CCDC91: variants seen among roughly 807,000 people sequenced by gnomAD.
The protein encoded by CCDC91 is coiled-coil domain-containing protein 91.
Under a neutral mutation model 63.2 loss-of-function variants are expected in CCDC91, and 48 were observed. That is an observed-to-expected ratio of 0.76 (90% CI 0.60 to 0.97). CCDC91 has a LOEUF of 0.97. CCDC91 is among the 50% of genes least tolerant of loss of function. CCDC91 has a pLI of 0.00. For synonymous variants in CCDC91, 167 were observed against 165.8 expected, an observed-to-expected ratio of 1.01 and a Z score of -0.06; for missense variants, 500 against 494.6, an observed-to-expected ratio of 1.01 and a Z score of -0.10.
intron 8 of CCDC91, among the ~76,000 whole-genome samples, chr12:28,435,201 T>A (rs1948840937): frequency 6.6e-6 from 1 of 151,746 alleles, no homozygotes; most frequent in Non-Finnish European, 1.5e-5. Context: ...CCTCTTTTTC[T>A]CCTAAAATGA....
chr12:28,230,862 T>A (rs148557699), intron 1 of CCDC91, among the ~76,000 whole-genome samples: 1 of 152,282 alleles, frequency 6.6e-6, no homozygotes, highest in East Asian at 1.9e-4. Context: ...TGGACTCAAG[T>A]GATCTGCCTG....
chr12:28,212,649 C>T (rs1157788677), intron 1 of CCDC91, among the ~76,000 whole-genome samples: 3 of 152,172 alleles, frequency 2.0e-5, no homozygotes, highest in Non-Finnish European at 4.4e-5. Context: ...AGTTTTCTAT[C>T]ATCTTGGGAA....
At chr12:28,306,540 G>A (rs958318439) in intron 4 of CCDC91, among the ~76,000 whole-genome samples, 1 of 152,012 alleles carries the variant, frequency 6.6e-6, no homozygotes, top group African/African-American at 2.4e-5. Context: ...AAATTAAGAG[G>A]AAATTTTGTT....
intron 6 of CCDC91, among the ~76,000 whole-genome samples, chr12:28,335,997 C>T (rs779028263): frequency 6.6e-6 from 1 of 150,966 alleles, no homozygotes; most frequent in Non-Finnish European, 1.5e-5. Flanking sequence ...AGATATTTGC[C>T]ATAGATTTTA....
Position 28,404,658 on chromosome 12 carries a change from T to C in CCDC91, c.762+13247T>C, listed in dbSNP as rs1229965377. ...TGCAGTTTTGTAAGTGTTTGCCTCA[T>C]GCATTTTGCTGCTCTGTTATTAGGG... On this transcript the variant is annotated intron_variant, in intron 8 of 12. Transcript: ENST00000536442. Among the ~76,000 whole-genome samples, 11 of 152,144 alleles carry C rather than the reference T, an allele frequency of 7.2e-5. 1 individual carries two copies. Among genetic ancestry groups the C allele is most frequent in the Admixed American group, 7.2e-4 (11 of 15,256 alleles).
At chr12:28,226,156 T>TCATGCATCTAATACTTTA (rs1407495531) in intron 1 of CCDC91, 1 of 152,228 alleles carries the variant, frequency 6.6e-6, no homozygotes, top group Non-Finnish European at 1.5e-5. Context: ...GTATTCTGTC[T>TCATGCATCTAATACTTTA]CATGCATCTA....
intron 6 of CCDC91, among the ~76,000 whole-genome samples, chr12:28,331,515 A>G (rs777955076): frequency 1.3e-5 from 2 of 152,192 alleles, no homozygotes; most frequent in Non-Finnish European, 2.9e-5. Flanking sequence ...ACAGTTCTTG[A>G]AATATTTTTT....
At chr12:28,321,701 G>A (rs1015644396) in intron 6 of CCDC91, among the ~76,000 whole-genome samples, 5 of 151,794 alleles carry the variant, frequency 3.3e-5, no homozygotes, top group Admixed American at 6.6e-5. Context: ...AGCCCTCACC[G>A]GAAAATGATC....
intron 8 of CCDC91, among the ~76,000 whole-genome samples, chr12:28,404,079 G>T (rs1565919730): frequency 6.6e-6 from 1 of 151,540 alleles, no homozygotes; most frequent in African/African-American, 2.4e-5. Context: ...ATTTACTCTT[G>T]TTTACTTATT....
At chr12:28,382,109 C>G (rs1022326502) in intron 7 of CCDC91, among the ~76,000 whole-genome samples, 2 of 151,986 alleles carry the variant, frequency 1.3e-5, no homozygotes, top group African/African-American at 4.8e-5. Context: ...CTTAGTCTCA[C>G]AATCTAGTCT....
At chr12:28,264,216 G>A (rs1310680478) in intron 3 of CCDC91, among the ~76,000 whole-genome samples, 1 of 151,664 alleles carries the variant, frequency 6.6e-6, no homozygotes, top group East Asian at 1.9e-4. Flanking sequence ...AGGAATAAGA[G>A]TAGTATGTAG....
intron 8 of CCDC91, among the ~76,000 whole-genome samples, chr12:28,428,505 G>C (rs1948448038): frequency 7.0e-6 from 1 of 143,554 alleles, no homozygotes; most frequent in South Asian, 2.1e-4. Context: ...GGAGGCGGAG[G>C]TTGCAGTGAG....
At chr12:28,499,776 G>C (rs1952527011) in intron 12 of CCDC91, among the ~76,000 whole-genome samples, 2 of 152,084 alleles carry the variant, frequency 1.3e-5, no homozygotes, top group African/African-American at 4.8e-5. Context: ...CCAAGTCTTT[G>C]CTATTGTGAA....
chr12:28,353,249 TAGG>T (rs775056615), intron 6 of CCDC91, among the ~76,000 whole-genome samples: 2 of 152,210 alleles, frequency 1.3e-5, no homozygotes, highest in East Asian at 1.9e-4. Flanking sequence ...GGCTTTGGCT[TAGG>T]GGGAAATGTT....
At chr12:28,415,471 C>T (rs1055238510) in intron 8 of CCDC91, among the ~76,000 whole-genome samples, 4 of 152,236 alleles carry the variant, frequency 2.6e-5, no homozygotes, top group African/African-American at 9.6e-5. Flanking sequence ...CCGCCTGCCT[C>T]AGCCTCCCAA....
intron 6 of CCDC91, among the ~76,000 whole-genome samples, chr12:28,327,717 A>C (rs1451762303): frequency 6.6e-6 from 1 of 152,076 alleles, no homozygotes; most frequent in African/African-American, 2.4e-5. Context: ...AACCTTGGGT[A>C]TTTACTCCGG....
At position 28,259,527 on chromosome 12, in the gene CCDC91, C is replaced by G. The variant is rs1030833966; in HGVS notation, c.109+85C>G. Reference sequence around the variant, plus strand: ...AACTCTTTGAAACCCTATTTCTCAACTTTTTTACTTGTCCTTCACTGATCT... The same window carrying G: ...AACTCTTTGAAACCCTATTTCTCAAGTTTTTTACTTGTCCTTCACTGATCT... On this transcript the variant is annotated intron_variant, in intron 3 of 12. Transcript: ENST00000536442. 6.6e-5 allele frequency: 52 copies of G among 792,708 alleles called. 1 individual carries two copies. The highest frequency in any genetic ancestry group is 3.1e-5 in the South Asian group (2 of 64,592). 49.1% of individuals were successfully genotyped at this position (792,708 alleles called of 1,614,324 possible).
intron 8 of CCDC91, among the ~76,000 whole-genome samples, chr12:28,448,863 A>G (rs1949664246): frequency 6.6e-6 from 1 of 152,040 alleles, no homozygotes; most frequent in South Asian, 2.1e-4. Context: ...GTATATTTCA[A>G]ATAGGGTTAG....
At chr12:28,462,428 G>C (rs1950351787) in intron 11 of CCDC91, among the ~76,000 whole-genome samples, 1 of 151,920 alleles carries the variant, frequency 6.6e-6, no homozygotes, top group Non-Finnish European at 1.5e-5. Flanking sequence ...GGAACAACTA[G>C]GTATTTCTTT....
Sources: gnomAD v4.1 joint callset for allele counts (sites outside exome capture counted in the v4.1 genomes callset) on GRCh38, gnomAD v4.1.1 for gene constraint, MANE v1.5 for transcripts, NCBI Gene and HGNC (gene_info 2026-07-23, HGNC 2026-07-21) for gene names.